Variants in THSD7B observed in about 807,000 individuals in gnomAD.
The protein encoded by THSD7B is thrombospondin type 1 domain containing 7B.
THSD7B carries 138 observed loss-of-function variants against 213.6 expected under a neutral mutation model. The observed-to-expected ratio is 0.65, with a 90% CI of 0.56 to 0.74. The LOEUF is 0.74. THSD7B is among the 30% of genes least tolerant of loss of function. The probability of loss-of-function intolerance (pLI) is 0.00; values close to 1 mark genes in which losing one functional copy is unlikely to be tolerated. For missense variants in THSD7B, 1,931 were observed against 1,991.5 expected (o/e 0.97, Z 0.58); for synonymous variants, 742 against 687.0 (o/e 1.08, Z -1.25).
intron 1 of THSD7B, among the ~76,000 whole-genome samples, chr2:136,841,231 A>G (rs1682914240): frequency 6.6e-6 from 1 of 152,158 alleles, no homozygotes; most frequent in Non-Finnish European, 1.5e-5. Context: ...AGTGTGCTTA[A>G]AAATATATTT....
chr2:137,102,884 A>C (rs577975976), intron 4 of THSD7B, among the ~76,000 whole-genome samples: 1 of 152,314 alleles, frequency 6.6e-6, no homozygotes, highest in Admixed American at 6.5e-5. Context: ...CCATGGAACT[A>C]TGTGGAAAGA....
chr2:137,649,675 G>A (rs958795900), intron 21 of THSD7B, among the ~76,000 whole-genome samples: 1 of 152,154 alleles, frequency 6.6e-6, no homozygotes. Flanking sequence ...ATTTGTCTAA[G>A]TATCTGTTTT....
Position 137,451,033 on chromosome 2 carries a change from A to C in THSD7B, c.3138+10A>C. The C allele has an allele frequency of 6.4e-6, 10 of 1,552,288 alleles. No individual in the cohort carries two copies. Among genetic ancestry groups the C allele is most frequent in the Non-Finnish European group, 8.7e-6 (10 of 1,152,126 alleles). On this transcript the variant is annotated intron_variant, in intron 15 of 27. Coordinates refer to ENST00000409968, the MANE Select transcript of THSD7B (RefSeq NM_001316349.2). The stretch of plus-strand genomic sequence containing the variant: ...GGATCTCAAGAATCAGGTAAAGTGC[A>C]TGAAGCAACAAATAAAAAGCTAAAA...
At chr2:137,164,580 CAT>C (rs1420697166) in intron 6 of THSD7B, among the ~76,000 whole-genome samples, 1 of 152,182 alleles carries the variant, frequency 6.6e-6, no homozygotes, top group Non-Finnish European at 1.5e-5. Context: ...CCCATGCACA[CAT>C]ATGTTTGTTG....
At chr2:137,090,329 G>A (rs1422621682) in intron 3 of THSD7B, among the ~76,000 whole-genome samples, 1 of 151,930 alleles carries the variant, frequency 6.6e-6, no homozygotes, top group Non-Finnish European at 1.5e-5. Flanking sequence ...ATTATGTAAG[G>A]AAATTTGAAC....
chr2:137,009,989 TCTTA>T (rs1309902325), intron 2 of THSD7B, among the ~76,000 whole-genome samples: 1 of 152,220 alleles, frequency 6.6e-6, no homozygotes, highest in Non-Finnish European at 1.5e-5. Flanking sequence ...ATAAGGCTGT[TCTTA>T]CCTAATTCTG....
intron 1 of THSD7B, among the ~76,000 whole-genome samples, chr2:136,796,760 T>C (rs1356859023): frequency 6.6e-6 from 1 of 151,996 alleles, no homozygotes; most frequent in Non-Finnish European, 1.5e-5. Flanking sequence ...CCTGTTACAG[T>C]ATGATTTCTG....
intron 8 of THSD7B, among the ~76,000 whole-genome samples, chr2:137,231,667 A>T (rs903183728): frequency 6.6e-6 from 1 of 152,208 alleles, no homozygotes; most frequent in African/African-American, 2.4e-5. Flanking sequence ...ACATCTGCAA[A>T]CTACCTGATC....
At chr2:136,873,103 T>C (rs530397944) in intron 1 of THSD7B, among the ~76,000 whole-genome samples, 31 of 152,112 alleles carry the variant, frequency 2.0e-4, no homozygotes, top group African/African-American at 7.0e-4. Context: ...AAATTATGTT[T>C]TTGAAGGTTT....
chr2:136,964,906 C>T (rs1685287226), intron 2 of THSD7B, among the ~76,000 whole-genome samples: 1 of 149,608 alleles, frequency 6.7e-6, no homozygotes, highest in Admixed American at 6.8e-5. Context: ...GAAGCTGAGG[C>T]AGAAGAATTG....
rs1260161945 is a variant in THSD7B, at chr2:137,349,043, G to A, written c.2501-56570G>A. ...TGTGTAGATGCGTGTGTGTGAGTAT[G>A]CATATATGTAACTGTTTCCATAAAT... On this transcript the variant is annotated intron_variant, in intron 12 of 27. Transcript: ENST00000409968. Among the ~76,000 whole-genome samples, 5 of 147,066 alleles carry A rather than the reference G, an allele frequency of 3.4e-5. No homozygotes were observed. In the East Asian group the frequency reaches 8.3e-4, roughly 24 times the overall value.
chr2:137,190,098 A>G (rs1337232563), intron 7 of THSD7B, among the ~76,000 whole-genome samples: 1 of 152,196 alleles, frequency 6.6e-6, no homozygotes, highest in Non-Finnish European at 1.5e-5. Flanking sequence ...ATAGCCCACA[A>G]TTAAGGCTTG....
intron 12 of THSD7B, among the ~76,000 whole-genome samples, chr2:137,316,083 A>C (rs72977608): frequency 6.6e-6 from 1 of 152,220 alleles, no homozygotes. Flanking sequence ...TTACTTGGGT[A>C]ATACAATTAC....
intron 1 of THSD7B, among the ~76,000 whole-genome samples, chr2:136,881,592 A>G (rs1278664819): frequency 2.6e-5 from 4 of 152,104 alleles, no homozygotes; most frequent in Non-Finnish European, 5.9e-5. Flanking sequence ...AACTTACTTG[A>G]TTTTTTGTAC....
chr2:137,340,669 T>C (rs1230342754), intron 12 of THSD7B, among the ~76,000 whole-genome samples: 1 of 151,828 alleles, frequency 6.6e-6, no homozygotes, highest in East Asian at 1.9e-4. Context: ...TAGGTGAGAA[T>C]ATGCAGTATT....
chr2:137,073,824 G>A (rs1317848359), intron 3 of THSD7B, among the ~76,000 whole-genome samples: 1 of 152,288 alleles, frequency 6.6e-6, no homozygotes, highest in East Asian at 1.9e-4. Context: ...CTTTATTTCT[G>A]CCTTCAGTTC....
chr2:137,594,256 T>A (rs1681916939), intron 17 of THSD7B, among the ~76,000 whole-genome samples: 1 of 151,940 alleles, frequency 6.6e-6, no homozygotes, highest in African/African-American at 2.4e-5. Context: ...GCTGTCTGTT[T>A]GGGGTTGGGG....
intron 1 of THSD7B, among the ~76,000 whole-genome samples, chr2:136,778,476 A>ATG (rs1364613220): frequency 6.6e-6 from 1 of 152,048 alleles, no homozygotes; most frequent in East Asian, 1.9e-4. Flanking sequence ...TCTCCACCTC[A>ATG]TGGTAGAGCC....
intron 20 of THSD7B, among the ~76,000 whole-genome samples, chr2:137,641,280 T>C (rs1417805282): frequency 6.6e-6 from 1 of 152,134 alleles, no homozygotes. Flanking sequence ...CACCTCACCA[T>C]CTCTTCACGT....
Sources: allele counts gnomAD v4.1 joint callset (sites outside exome capture counted in the v4.1 genomes callset), GRCh38; gene constraint gnomAD v4.1.1; transcripts MANE v1.5; gene names NCBI Gene and HGNC (gene_info 2026-07-23, HGNC 2026-07-21).